NPAS2: variants seen among roughly 807,000 people sequenced by gnomAD.
The protein encoded by NPAS2 is neuronal PAS domain-containing protein 2.
Under a neutral mutation model 107.5 loss-of-function variants are expected in NPAS2, and 23 were observed. The observed-to-expected ratio is 0.21, with a 90% confidence interval of 0.15 to 0.30. NPAS2 has a LOEUF of 0.30. Among genes scored for constraint, NPAS2 ranks in the 10% least tolerant of loss-of-function variants. The probability of loss-of-function intolerance (pLI) is 1.00; values close to 1 mark genes in which losing one functional copy is unlikely to be tolerated. For synonymous variants in NPAS2, 403 were observed against 417.5 expected (o/e 0.97, Z 0.42); for missense variants, 756 against 1,043.3 (o/e 0.72, Z 3.79).
intron 2 of NPAS2, among the ~76,000 whole-genome samples, chr2:100,917,020 A>G (rs1351108739): frequency 6.6e-6 from 1 of 152,218 alleles, no homozygotes; most frequent in Non-Finnish European, 1.5e-5. Context: ...CGCTACAGCA[A>G]TGCTTAGAGG....
At chr2:100,962,401 A>G (rs1675965400) in intron 7 of NPAS2, among the ~76,000 whole-genome samples, 1 of 152,184 alleles carries the variant, frequency 6.6e-6, no homozygotes, top group Non-Finnish European at 1.5e-5. Flanking sequence ...GATGCTCGAT[A>G]TGTTCCTCAT....
intron 7 of NPAS2, among the ~76,000 whole-genome samples, 163 bp from the exon 8 acceptor site, chr2:100,963,892 GAAT>G (rs1242710676): frequency 1.3e-5 from 2 of 152,168 alleles, no homozygotes; most frequent in Non-Finnish European, 2.9e-5. Context: ...TTTGCAATGG[GAAT>G]AATAGTTGAC....
intron 2 of NPAS2, among the ~76,000 whole-genome samples, chr2:100,922,300 C>A (rs1040745212): frequency 6.6e-6 from 1 of 152,088 alleles, no homozygotes; most frequent in Non-Finnish European, 1.5e-5. Context: ...CAAAGCCTGG[C>A]CAGGCATGGT....
intron 7 of NPAS2, among the ~76,000 whole-genome samples, chr2:100,961,922 G>T (rs568324886): frequency 1.1e-3 from 161 of 152,340 alleles, no homozygotes; most frequent in Non-Finnish European, 1.9e-3. Context: ...GAAAGAGTCA[G>T]AATTTTATTA....
chr2:100,850,434 G>A (rs6722697), intron 1 of NPAS2, among the ~76,000 whole-genome samples: 41,215 of 151,952 alleles, frequency 0.27, 6,608 homozygotes, highest in Non-Finnish European at 0.36. Flanking sequence ...GGAAGGAATG[G>A]TATATGGTTA....
chr2:100,893,851 A>G (rs988204152), intron 1 of NPAS2, among the ~76,000 whole-genome samples: 3 of 152,198 alleles, frequency 2.0e-5, no homozygotes, highest in Non-Finnish European at 4.4e-5. Context: ...CAAAGACTGG[A>G]TGCTCTGCAC....
rs1246359946 is a variant in NPAS2 at position 100,976,990 on chromosome 2, C to CT, written c.1393-719dup. The CT allele has an allele frequency of 6.6e-6, 1 of 151,818 alleles. No individual in the cohort carries two copies. Among genetic ancestry groups the CT allele is most frequent in the East Asian group, 1.9e-4 (1 of 5,158 alleles). The allele number at this position is 151,818 out of a possible 1,614,324, so 9.4% of individuals were successfully genotyped here. A position where few individuals can be genotyped will look rare whatever the true frequency, so the allele number is the denominator to read the frequency against. ...TGCTTTTTTATATAGGCCCTAGCAA[C>CT]TAGGGGCCGTGTCGGAATAACTTCA... On this transcript the variant is annotated intron_variant, in intron 14 of 20. Coordinates refer to ENST00000335681, the MANE Select transcript of NPAS2 (RefSeq NM_002518.4). The surrounding 1 kb of genome is among the most constrained non-coding windows in gnomAD (Gnocchi z 4.1).
At chr2:100,889,925 G>T (rs71413893) in intron 1 of NPAS2, among the ~76,000 whole-genome samples, 1 of 147,168 alleles carries the variant, frequency 6.8e-6, no homozygotes, top group African/African-American at 2.5e-5. Flanking sequence ...CCTTGGAGAC[G>T]TCCCCTGAGA....
chr2:100,956,962 G>GC (rs545831792), intron 7 of NPAS2, among the ~76,000 whole-genome samples: 135 of 152,292 alleles, frequency 8.9e-4, no homozygotes, highest in African/African-American at 3.1e-3. Context: ...AGTGGAGGAT[G>GC]CCCCCCTCTC....
At chr2:100,862,194 C>T (rs1678984566) in intron 1 of NPAS2, among the ~76,000 whole-genome samples, 1 of 152,186 alleles carries the variant, frequency 6.6e-6, no homozygotes, top group South Asian at 2.1e-4. Context: ...GTAGTCAGAG[C>T]TACTGCTAAG....
At chr2:100,878,200 C>G (rs773200757) in intron 1 of NPAS2, 52 of 985,232 alleles carry the variant, frequency 5.3e-5, no homozygotes, top group Non-Finnish European at 6.3e-5. Context: ...AGCAGTGGCC[C>G]TGGCTCCAGA....
chr2:100,890,639 G>A (rs1455369548), intron 1 of NPAS2, among the ~76,000 whole-genome samples: 1 of 152,020 alleles, frequency 6.6e-6, no homozygotes, highest in Non-Finnish European at 1.5e-5. Flanking sequence ...CTGCTTGCAT[G>A]CCTCTTCCAG....
intron 1 of NPAS2, among the ~76,000 whole-genome samples, chr2:100,877,549 T>G (rs1354917605): frequency 6.6e-6 from 1 of 152,154 alleles, no homozygotes; most frequent in Non-Finnish European, 1.5e-5. Flanking sequence ...ATGCAAGCAT[T>G]GGCCAAGCAG....
intron 1 of NPAS2, among the ~76,000 whole-genome samples, chr2:100,840,108 G>A (rs887286132): frequency 2.0e-5 from 3 of 152,076 alleles, no homozygotes; most frequent in African/African-American, 7.2e-5. Flanking sequence ...TGTTACTGCT[G>A]CCCTGGAACA....
chr2:100,991,841 A>G (rs1007770433), intron 19 of NPAS2, among the ~76,000 whole-genome samples: 9 of 152,214 alleles, frequency 5.9e-5, no homozygotes, highest in Non-Finnish European at 1.3e-4. Context: ...GTGGGGCTGG[A>G]GGCCAGCTAA....
intron 2 of NPAS2, among the ~76,000 whole-genome samples, chr2:100,907,379 G>C (rs1455888159): frequency 6.6e-6 from 1 of 151,892 alleles, no homozygotes; most frequent in Admixed American, 6.5e-5. Context: ...GACCTGTGTA[G>C]TGAGGCTGGG....
intron 5 of NPAS2, among the ~76,000 whole-genome samples, chr2:100,943,361 G>A (rs1052194538): frequency 1.6e-4 from 25 of 152,200 alleles, no homozygotes; most frequent in African/African-American, 5.8e-4. Context: ...ACTTGCTCAG[G>A]TATTTGGACA....
chr2:100,835,676 A>G (rs778164429), intron 1 of NPAS2, among the ~76,000 whole-genome samples: 1 of 152,216 alleles, frequency 6.6e-6, no homozygotes, highest in African/African-American at 2.4e-5. Flanking sequence ...AGTCAGGTAC[A>G]TCTTTCTTCA....
chr2:100,967,237 C>CTTT (rs58558247), intron 10 of NPAS2, among the ~76,000 whole-genome samples: 11 of 100,548 alleles, frequency 1.1e-4, no homozygotes, highest in African/African-American at 1.6e-4. Context: ...AGTCAGTGTC[C>CTTT]TTTTTTTTTT....
Sources: gnomAD v4.1 joint callset for allele counts (sites outside exome capture counted in the v4.1 genomes callset) on GRCh38, gnomAD v4.1.1 for gene constraint, Gnocchi (gnomAD v3.1) non-coding constraint, MANE v1.5 for transcripts, NCBI Gene and HGNC (gene_info 2026-07-23, HGNC 2026-07-21) for gene names.